The following MYO3B variants were observed in gnomAD, a reference collection of about 807,000 sequenced individuals.
The protein encoded by MYO3B is myosin IIIB.
MYO3B carries 156 observed loss-of-function variants against 174.6 expected under a neutral mutation model. That is an observed-to-expected ratio of 0.89 (90% CI 0.78 to 1.02). MYO3B has a LOEUF of 1.02. MYO3B is among the 50% of genes least tolerant of loss of function. MYO3B has a pLI of 0.00. For missense variants in MYO3B, 1,632 were observed against 1,639.4 expected (o/e 1.00, Z 0.08); for synonymous variants, 563 against 569.1 (o/e 0.99, Z 0.15).
chr2:170,410,605 A>C (rs1249541302), intron 22 of MYO3B, among the ~76,000 whole-genome samples: 2 of 150,328 alleles, frequency 1.3e-5, no homozygotes, highest in Non-Finnish European at 3.0e-5. Context: ...AAAAAAAAAA[A>C]AAAAAACTTG....
At chr2:170,227,363 C>T (rs558100910) in intron 6 of MYO3B, among the ~76,000 whole-genome samples, 18 of 152,264 alleles carry the variant, frequency 1.2e-4, no homozygotes, top group Admixed American at 6.5e-4. Flanking sequence ...TGGCTCACTG[C>T]GACCTCCACC....
Position 170,422,702 on chromosome 2 carries a change from C to T in MYO3B, c.2650+14858C>T, listed in dbSNP as rs545458461. The stretch of plus-strand genomic sequence containing the variant: ...TCAAACTGACCTCAGGTGATCCACC[C>T]GCCTTGGCCCCCCAAAGTGCTGGGA... On this transcript the variant is annotated intron_variant, in intron 22 of 34. Transcript: ENST00000408978. 1.4e-4 allele frequency among the ~76,000 whole-genome samples: 21 copies of T among 152,032 alleles called. No individual in the cohort carries two copies. In the East Asian group the frequency reaches 2.1e-3, roughly 15 times the overall value.
chr2:170,319,580 A>G (rs2093800588), intron 7 of MYO3B, among the ~76,000 whole-genome samples: 1 of 152,228 alleles, frequency 6.6e-6, no homozygotes, highest in Non-Finnish European at 1.5e-5. Context: ...AGGAACTTCC[A>G]GAAGGAGGTG....
chr2:170,348,926 C>G (rs2094039122), intron 8 of MYO3B, among the ~76,000 whole-genome samples: 1 of 152,150 alleles, frequency 6.6e-6, no homozygotes, highest in African/African-American at 2.4e-5. Flanking sequence ...GGTGATGATT[C>G]AGATCTCTGC....
intron 7 of MYO3B, among the ~76,000 whole-genome samples, chr2:170,331,123 C>G (rs567823345): frequency 6.6e-6 from 1 of 152,120 alleles, no homozygotes; most frequent in East Asian, 1.9e-4. Context: ...AGAATAGGAC[C>G]TGTTTTGGAG....
chr2:170,637,297 G>A (rs1697592406), intron 32 of MYO3B, among the ~76,000 whole-genome samples: 1 of 150,944 alleles, frequency 6.6e-6, no homozygotes, highest in South Asian at 2.1e-4. Flanking sequence ...TCACCCTCCC[G>A]AGTAGCTGGG....
chr2:170,595,230 C>T (rs952905897), intron 32 of MYO3B, among the ~76,000 whole-genome samples: 10 of 151,998 alleles, frequency 6.6e-5, no homozygotes, highest in Non-Finnish European at 1.3e-4. Flanking sequence ...AGGGGGTGTT[C>T]CAAAAATGAT....
At chr2:170,452,565 T>TA (rs1184272019) in intron 23 of MYO3B, among the ~76,000 whole-genome samples, 1 of 152,164 alleles carries the variant, frequency 6.6e-6, no homozygotes, top group Non-Finnish European at 1.5e-5. Flanking sequence ...TTTTGTTTTT[T>TA]AAAAAAACTT....
chr2:170,275,975 C>T (rs2093461398), intron 7 of MYO3B, among the ~76,000 whole-genome samples: 1 of 152,188 alleles, frequency 6.6e-6, no homozygotes, highest in Admixed American at 6.5e-5. Flanking sequence ...TTACTAAATT[C>T]AAGCTGCTCT....
At chr2:170,564,888 C>A (rs954234784) in intron 32 of MYO3B, among the ~76,000 whole-genome samples, 1 of 152,110 alleles carries the variant, frequency 6.6e-6, no homozygotes, top group East Asian at 1.9e-4. Context: ...CTGGAGTATT[C>A]TCTAATTCCA....
intron 32 of MYO3B, among the ~76,000 whole-genome samples, chr2:170,576,452 G>A (rs541847674): frequency 1.1e-4 from 17 of 152,298 alleles, no homozygotes; most frequent in African/African-American, 1.9e-4. Context: ...GAAGCAAACC[G>A]GAAGAAGCAA....
chr2:170,555,049 T>TAA (rs1691188703), intron 32 of MYO3B, among the ~76,000 whole-genome samples: 1 of 87,588 alleles, frequency 1.1e-5, no homozygotes, highest in Non-Finnish European at 3.4e-5. Flanking sequence ...TTTCTTCTTT[T>TAA]TATGTTTGTT....
chr2:170,571,993 T>C (rs1373000500), intron 32 of MYO3B, among the ~76,000 whole-genome samples: 2 of 152,072 alleles, frequency 1.3e-5, no homozygotes, highest in South Asian at 4.1e-4. Flanking sequence ...GGTCAGATGA[T>C]AGAGAGGTGG....
At chr2:170,363,607 A>C (rs1267718030) in intron 8 of MYO3B, among the ~76,000 whole-genome samples, 1 of 152,222 alleles carries the variant, frequency 6.6e-6, no homozygotes, top group Non-Finnish European at 1.5e-5. Context: ...AATGGCTGCA[A>C]CAACCTGTGT....
intron 7 of MYO3B, among the ~76,000 whole-genome samples, chr2:170,289,811 C>A (rs1158159160): frequency 3.3e-5 from 5 of 151,958 alleles, no homozygotes; most frequent in Non-Finnish European, 7.4e-5. Context: ...AGTCTTTCTA[C>A]TCCTTTTGAT....
At chr2:170,251,798 C>T (rs780654988) in intron 7 of MYO3B, among the ~76,000 whole-genome samples, 3 of 152,172 alleles carry the variant, frequency 2.0e-5, no homozygotes, top group Non-Finnish European at 4.4e-5. Flanking sequence ...AAACTATGGT[C>T]CATTGCTCTG....
chr2:170,211,691 T>C (rs554710101), intron 3 of MYO3B, among the ~76,000 whole-genome samples: 3 of 152,198 alleles, frequency 2.0e-5, no homozygotes, highest in Middle Eastern at 3.4e-3. Flanking sequence ...TAAGCCAGGA[T>C]TGAACCTAGG....
In MYO3B at chr2:170,499,774, GAAGA is replaced by G. The variant is rs1484471105; in HGVS notation, c.3256_3259del (p.Lys1086GlufsTer24). ...CCAGGAGATACAAAAGGGTCAGAGA[GAAGA>G]GAGAGAAGGGAGCCATTGCCATCCA... On this transcript the variant is annotated frameshift_variant, in exon 27 of 35. Coordinates refer to ENST00000408978, the MANE Select transcript of MYO3B (RefSeq NM_138995.5). LOFTEE classifies it high-confidence loss of function. 5 of 1,613,656 alleles carry G rather than the reference GAAGA, an allele frequency of 3.1e-6. No individual in the cohort carries two copies. The highest frequency in any genetic ancestry group is 4.2e-6 in the Non-Finnish European group (5 of 1,179,674).
intron 32 of MYO3B, chr2:170,646,919 T>G (rs1195349852): frequency 1.5e-6 from 2 of 1,360,324 alleles, no homozygotes; most frequent in Admixed American, 3.8e-5. Context: ...CCTTTCCACA[T>G]TACGGATGTA....
Sources: gnomAD v4.1 joint callset for allele counts (sites outside exome capture counted in the v4.1 genomes callset) on GRCh38, gnomAD v4.1.1 for gene constraint, MANE v1.5 for transcripts, NCBI Gene and HGNC (gene_info 2026-07-23, HGNC 2026-07-21) for gene names.